Variants in ADGRE1 observed in about 807,000 individuals in gnomAD.
The protein encoded by ADGRE1 is EGF-like module receptor 1.
A neutral mutation model predicts 102.7 loss-of-function variants in ADGRE1; 82 were observed. The ratio of observed to expected loss-of-function variants is 0.80; its 90% CI spans 0.67 to 0.96. ADGRE1 has a LOEUF of 0.96. Among genes scored for constraint, ADGRE1 ranks in the 40% least tolerant of loss-of-function variants. The probability of loss-of-function intolerance (pLI) is 0.00; values close to 1 mark genes in which losing one functional copy is unlikely to be tolerated. For synonymous variants in ADGRE1, 398 were observed against 399.6 expected, an observed-to-expected ratio of 1.00 and a Z score of 0.05; for missense variants, 1,032 against 1,085.3, an observed-to-expected ratio of 0.95 and a Z score of 0.69.
intron 20 of ADGRE1, among the ~76,000 whole-genome samples, chr19:6,938,765 A>G (rs956628323): frequency 7.0e-6 from 1 of 142,874 alleles, no homozygotes; most frequent in African/African-American, 2.6e-5. Context: ...TCACTGCTCT[A>G]TTTTCTTTTT....
At chr19:6,899,811 A>T (rs1384720534) in intron 5 of ADGRE1, among the ~76,000 whole-genome samples, 1 of 151,120 alleles carries the variant, frequency 6.6e-6, no homozygotes, top group Non-Finnish European at 1.5e-5. Context: ...ATCTTTAATC[A>T]GCCGGGCGCA....
At chr19:6,913,551 CT>C in intron 10 of ADGRE1, 101 bp from the exon 11 acceptor site, 1 of 1,168,590 alleles carries the variant, frequency 8.6e-7, no homozygotes. Flanking sequence ...TTTAATTCTC[CT>C]TTGGATGGAC....
At chr19:6,896,657 A>ACAAT in intron 3 of ADGRE1, 116 bp downstream of exon 3, 1 of 1,236,160 alleles carries the variant, frequency 8.1e-7, no homozygotes, top group Non-Finnish European at 1.1e-6. Context: ...ATCTGGTTTA[A>ACAAT]CTATATATTT....
intron 3 of ADGRE1, 158 bp downstream of exon 3, chr19:6,896,699 G>A (rs1297877375): frequency 3.7e-6 from 3 of 811,300 alleles, no homozygotes; most frequent in Non-Finnish European, 5.6e-6. Context: ...TCTGTTCAAG[G>A]TTAATATTGA....
Position 6,913,902 on chromosome 19 carries a change from T to C in ADGRE1, c.1300+72T>C, listed in dbSNP as rs1173756456. 3.5e-6 allele frequency: 5 copies of C among 1,424,894 alleles called. No homozygotes were observed. In the South Asian group the frequency reaches 7.5e-5, roughly 21 times the overall value. The allele number at this position is 1,424,894 out of a possible 1,614,324, so 88.3% of individuals were successfully genotyped here. On this transcript the variant is annotated intron_variant, in intron 11 of 20. Transcript: ENST00000312053. ...GAAAGTTGACTTTGGCAATGGGATA[T>C]TCCCTGGGTTTCCCACCCATTCTTT... is the stretch of plus-strand genomic sequence containing the variant.
At chr19:6,896,119 T>C in intron 2 of ADGRE1, 1 of 340,770 alleles carries the variant, frequency 2.9e-6, no homozygotes. Context: ...ACTGTCCCTG[T>C]GCATGTCTGT....
At chr19:6,916,606 G>A (rs1233918941) in intron 12 of ADGRE1, among the ~76,000 whole-genome samples, 1 of 152,116 alleles carries the variant, frequency 6.6e-6, no homozygotes, top group Non-Finnish European at 1.5e-5. Context: ...ACATTCTGCT[G>A]TTGAGCAGTT....
intron 14 of ADGRE1, 84 bp downstream of exon 14, chr19:6,921,967 G>A: frequency 6.8e-7 from 1 of 1,476,502 alleles, no homozygotes; most frequent in Middle Eastern, 2.5e-4. Flanking sequence ...TCTGTTGTGT[G>A]TCTCCCATGG....
chr19:6,891,939 G>A (rs1295980089), intron 2 of ADGRE1, among the ~76,000 whole-genome samples: 3 of 152,130 alleles, frequency 2.0e-5, no homozygotes, highest in Admixed American at 1.3e-4. Context: ...GAATTTGGAG[G>A]ACCGAGCGAA....
intron 12 of ADGRE1, 41 bp downstream of exon 12, chr19:6,916,409 C>T: frequency 1.3e-6 from 2 of 1,588,446 alleles, no homozygotes; most frequent in Non-Finnish European, 1.7e-6. Context: ...TGGTGTATTC[C>T]ATCAATAAGT....
chr19:6,900,583 T>C (rs73920236), intron 5 of ADGRE1, among the ~76,000 whole-genome samples: 7,199 of 152,264 alleles, frequency 0.047, 186 homozygotes, highest in African/African-American at 0.072. Flanking sequence ...TCTCTAGTCT[T>C]GCCTTTTTCA....
chr19:6,907,985 G>A (rs1003373645), intron 9 of ADGRE1, among the ~76,000 whole-genome samples: 4 of 152,164 alleles, frequency 2.6e-5, no homozygotes, highest in Non-Finnish European at 5.9e-5. Flanking sequence ...CCCCAAAACT[G>A]GCCATAAACA....
chr19:6,899,491 G>A (rs914810549), intron 5 of ADGRE1, among the ~76,000 whole-genome samples: 9 of 151,720 alleles, frequency 5.9e-5, no homozygotes, highest in East Asian at 2.0e-4. Flanking sequence ...CTAGCCTGGC[G>A]AACATGGTGA....
rs1051881115 is a variant in ADGRE1, at chr19:6,935,104, C to T, written c.2381+26C>T. ...GTAAAGCCCTCTTTCACCTCCCCCC[C>T]TCTTTTAATTTCCTCTTTCTTCTTC... On this transcript the variant is annotated intron_variant, in intron 18 of 20. Transcript: ENST00000312053. 5.5e-6 allele frequency: 8 copies of T among 1,460,172 alleles called. No homozygotes were observed. The African/African-American group carries it at 8.9e-5, about 16-fold the overall frequency. 90.5% of individuals were successfully genotyped at this position (1,460,172 alleles called of 1,614,324 possible). A position where few individuals can be genotyped will look rare whatever the true frequency, so the allele number is the denominator to read the frequency against.
At chr19:6,930,998 G>C (rs10403172) in intron 17 of ADGRE1, among the ~76,000 whole-genome samples, 31 of 151,742 alleles carry the variant, frequency 2.0e-4, no homozygotes, top group African/African-American at 7.5e-4. Flanking sequence ...ACCCTGTTTT[G>C]CTAACAAATA....
Position 6,903,947 on chromosome 19 carries a change from A to G in ADGRE1, c.799A>G (p.Arg267Gly). The G allele has an allele frequency of 6.2e-7, 1 of 1,614,214 alleles. No homozygotes were observed. The highest frequency in any genetic ancestry group is 1.3e-5 in the African/African-American group (1 of 75,070). The change falls in exon 7 of 21, where the codon AGA becomes GGA. Residue 267 changes from arginine to glycine, a missense_variant. Transcript: ENST00000312053. ...TTTCACAGACCAAGGAGTGGAATGT[A>G]GAGGTGAGCAGAGAGTTTGATGGAC... ...LNFTDQGVEC[R>G]DIDECRQDPS...
At chr19:6,923,662 C>G (rs1251394473) in intron 14 of ADGRE1, among the ~76,000 whole-genome samples, 1 of 152,004 alleles carries the variant, frequency 6.6e-6, no homozygotes, top group African/African-American at 2.4e-5. Context: ...TCCCATGTAG[C>G]TGGGATTACA....
At chr19:6,889,223 G>A (rs1259045177) in intron 1 of ADGRE1, among the ~76,000 whole-genome samples, 2 of 150,418 alleles carry the variant, frequency 1.3e-5, no homozygotes, top group Admixed American at 1.3e-4. Context: ...GATGATGATG[G>A]TGGTGATGGT....
chr19:6,900,409 C>A (rs1973724687), intron 5 of ADGRE1, among the ~76,000 whole-genome samples: 1 of 152,134 alleles, frequency 6.6e-6, no homozygotes, highest in Admixed American at 6.5e-5. Flanking sequence ...CACTTGAAAC[C>A]AGGAGGTTGA....
Sources: allele counts gnomAD v4.1 joint callset (sites outside exome capture counted in the v4.1 genomes callset), GRCh38; gene constraint gnomAD v4.1.1; transcripts MANE v1.5; gene names NCBI Gene and HGNC (gene_info 2026-07-23, HGNC 2026-07-21).